PEBP4: variants seen among roughly 807,000 people sequenced by gnomAD.
PEBP4 encodes the protein phosphatidylethanolamine binding protein 4.
Under a neutral mutation model 23.9 loss-of-function variants are expected in PEBP4, and 22 were observed. The observed-to-expected ratio is 0.92, with a 90% CI of 0.66 to 1.31. PEBP4 has a LOEUF of 1.31. Among genes scored for constraint, PEBP4 ranks in the 40% most tolerant of loss-of-function variants. The pLI is 0.00. For missense variants in PEBP4, 324 were observed against 281.7 expected, an observed-to-expected ratio of 1.15 and a Z score of -1.07; for synonymous variants, 112 against 99.3, an observed-to-expected ratio of 1.13 and a Z score of -0.76.
chr8:22,921,333 G>A (rs760222581), intron 2 of PEBP4, among the ~76,000 whole-genome samples: 6 of 152,236 alleles, frequency 3.9e-5, no homozygotes, highest in Non-Finnish European at 7.3e-5. Flanking sequence ...GGGCTAAGCC[G>A]CTCTACAGCC....
intron 3 of PEBP4, among the ~76,000 whole-genome samples, chr8:22,896,469 T>A (rs151021060): frequency 5.5e-4 from 83 of 151,648 alleles, no homozygotes; most frequent in African/African-American, 1.9e-3. Context: ...CCACCTCACC[T>A]GCTAGGGGTT....
At chr8:22,784,012 C>A (rs915367483) in intron 4 of PEBP4, among the ~76,000 whole-genome samples, 1 of 152,188 alleles carries the variant, frequency 6.6e-6, no homozygotes, top group Admixed American at 6.5e-5. Context: ...GAGGTTGAAC[C>A]CCAGAGTGGC....
At chr8:22,937,553 A>ATTT (rs36062438) in intron 1 of PEBP4, among the ~76,000 whole-genome samples, 10 of 151,316 alleles carry the variant, frequency 6.6e-5, no homozygotes, top group African/African-American at 1.7e-4. Context: ...GAAAATGTCA[A>ATTT]TTTTTTTTTA....
At chr8:22,860,168 G>GTATATATATATACACATATATATT (rs1563240315) in intron 3 of PEBP4, among the ~76,000 whole-genome samples, 1 of 122,766 alleles carries the variant, frequency 8.1e-6, no homozygotes, top group African/African-American at 3.0e-5. Flanking sequence ...ACATATATAT[G>GTATATATATATACACATATATATT]TATATATATA....
rs1329343062 is a variant in PEBP4 at position 22,745,937 on chromosome 8, T to TA, written c.358-18718dup. ...TTTAACTCAAGTATTTCTGACTTCA[T>TA]AGGCGAAGCTCTTTGCCAAGGTCAA... On this transcript the variant is annotated intron_variant, in intron 4 of 6. Coordinates refer to ENST00000256404, the MANE Select transcript of PEBP4 (RefSeq NM_144962.3). 2.7e-3 allele frequency among the ~76,000 whole-genome samples: 408 copies of TA among 152,312 alleles called. 5 individuals are homozygous for TA. Among genetic ancestry groups the TA allele is most frequent in the Non-Finnish European group, 6.3e-4 (43 of 68,028 alleles).
intron 1 of PEBP4, among the ~76,000 whole-genome samples, chr8:22,938,900 C>T (rs1218171364): frequency 1.3e-5 from 2 of 152,126 alleles, no homozygotes; most frequent in Non-Finnish European, 2.9e-5. Context: ...AATAAGCACG[C>T]ACATATAAAA....
At chr8:22,933,762 G>A (rs1809496485) in intron 1 of PEBP4, among the ~76,000 whole-genome samples, 1 of 152,152 alleles carries the variant, frequency 6.6e-6, no homozygotes, top group Non-Finnish European at 1.5e-5. Flanking sequence ...TAAACACACA[G>A]CAAATTAAAA....
Position 22,852,640 on chromosome 8 carries a change from A to G in PEBP4, c.259-34905T>C, listed in dbSNP as rs570945186. On this transcript the variant is annotated intron_variant, in intron 3 of 6. Coordinates refer to ENST00000256404, the MANE Select transcript of PEBP4 (RefSeq NM_144962.3). ...TTTTGTGAGTGTGAAGAAAATATGA[A>G]TTATAGTTCCTGGCCGTGCAAAGTC... Among the ~76,000 whole-genome samples, 14 of 152,244 alleles carry G rather than the reference A, an allele frequency of 9.2e-5. No individual in the cohort carries two copies. In the East Asian group the frequency reaches 2.7e-3, roughly 29 times the overall value.
chr8:22,725,795 G>T (rs1804611773), intron 5 of PEBP4, among the ~76,000 whole-genome samples: 2 of 152,294 alleles, frequency 1.3e-5, no homozygotes, highest in African/African-American at 4.8e-5. Flanking sequence ...TGAGGATGTT[G>T]GTGGGAGGGA....
At chr8:22,911,261 T>C (rs1415753407) in intron 3 of PEBP4, among the ~76,000 whole-genome samples, 1 of 152,136 alleles carries the variant, frequency 6.6e-6, no homozygotes, top group Non-Finnish European at 1.5e-5. Context: ...AAGACCAACA[T>C]GTCAGGGGTG....
intron 4 of PEBP4, among the ~76,000 whole-genome samples, chr8:22,758,868 G>A (rs1284172245): frequency 6.6e-6 from 1 of 152,214 alleles, no homozygotes; most frequent in Non-Finnish European, 1.5e-5. Flanking sequence ...TGCCTTGGAA[G>A]GGAGAGGCCC....
rs538556215 is a variant in PEBP4, at chr8:22,860,279, G to C, written c.259-42544C>G. 2.7e-5 allele frequency among the ~76,000 whole-genome samples: 4 copies of C among 149,434 alleles called. No homozygotes were observed. The South Asian group carries it at 8.5e-4, about 32-fold the overall frequency. On this transcript the variant is annotated intron_variant, in intron 3 of 6. Transcript: ENST00000256404. ...AATTTGCCATCCTAACCATTTTTCAGTGTCCAATTCGGTAGTCTTAAGGAC... is the reference window on the plus strand; with the variant it reads ...AATTTGCCATCCTAACCATTTTTCACTGTCCAATTCGGTAGTCTTAAGGAC...
chr8:22,764,523 C>G (rs1805571757), intron 4 of PEBP4, among the ~76,000 whole-genome samples: 1 of 152,134 alleles, frequency 6.6e-6, no homozygotes, highest in Non-Finnish European at 1.5e-5. Context: ...TGTAGTTGCC[C>G]AATGCCCTGT....
At chr8:22,899,932 G>A (rs1242024269) in intron 3 of PEBP4, among the ~76,000 whole-genome samples, 1 of 152,124 alleles carries the variant, frequency 6.6e-6, no homozygotes, top group East Asian at 1.9e-4. Flanking sequence ...CGCAGTCAAG[G>A]TGAGTGACAA....
At chr8:22,755,617 T>C (rs1805364141) in intron 4 of PEBP4, 1 of 152,216 alleles carries the variant, frequency 6.6e-6, no homozygotes, top group South Asian at 2.1e-4. Flanking sequence ...ATTACAGGCG[T>C]GAGCCACCGT....
chr8:22,759,610 C>T (rs920828788), intron 4 of PEBP4, among the ~76,000 whole-genome samples: 3 of 152,156 alleles, frequency 2.0e-5, no homozygotes, highest in African/African-American at 7.2e-5. Flanking sequence ...CCACCACCTC[C>T]CCGGGAGCCT....
At chr8:22,883,128 C>T (rs748366266) in intron 3 of PEBP4, among the ~76,000 whole-genome samples, 2 of 152,202 alleles carry the variant, frequency 1.3e-5, no homozygotes, top group African/African-American at 4.8e-5. Flanking sequence ...AAATCCCCGA[C>T]ACCATCAAAA....
intron 4 of PEBP4, among the ~76,000 whole-genome samples, chr8:22,776,114 G>A (rs1457018938): frequency 6.6e-6 from 1 of 152,150 alleles, no homozygotes; most frequent in Non-Finnish European, 1.5e-5. Flanking sequence ...CTGCACCAAA[G>A]TAATACTTAG....
chr8:22,779,069 C>A (rs904327411), intron 4 of PEBP4, among the ~76,000 whole-genome samples: 1 of 3,630 alleles, frequency 2.8e-4, no homozygotes, highest in African/African-American at 1.1e-3. Context: ...GGAAGGTGGG[C>A]GGGGGAGGTG....
Sources: allele counts gnomAD v4.1 joint callset (sites outside exome capture counted in the v4.1 genomes callset), GRCh38; gene constraint gnomAD v4.1.1; transcripts MANE v1.5; gene names NCBI Gene and HGNC (gene_info 2026-07-23, HGNC 2026-07-21).